The following NELL1 variants were observed in gnomAD, a reference collection of about 807,000 sequenced individuals.
NELL1 encodes protein kinase C-binding protein NELL1.
In NELL1, 76 loss-of-function variants were observed where a neutral mutation model predicts 107.4. That is an observed-to-expected ratio of 0.71 (90% confidence interval 0.59 to 0.86). The LOEUF is 0.86. NELL1 is among the 40% of genes least tolerant of loss of function. NELL1 has a pLI of 0.00. For synonymous variants in NELL1, 353 were observed against 341.2 expected, an observed-to-expected ratio of 1.03 and a Z score of -0.38; for missense variants, 1,024 against 1,005.5, an observed-to-expected ratio of 1.02 and a Z score of -0.25.
intron 15 of NELL1, among the ~76,000 whole-genome samples, chr11:21,477,834 A>G (rs546944790): frequency 1.3e-5 from 2 of 149,748 alleles, no homozygotes; most frequent in East Asian, 3.9e-4. Flanking sequence ...CAGATAAATT[A>G]TATAAATAAA....
intron 12 of NELL1, among the ~76,000 whole-genome samples, chr11:21,022,356 A>T: frequency 6.6e-6 from 1 of 152,066 alleles, no homozygotes; most frequent in East Asian, 1.9e-4. Context: ...TCTAATGGTA[A>T]ATTGTATAGG....
chr11:20,944,207 T>A (rs529220189), intron 10 of NELL1, among the ~76,000 whole-genome samples: 21 of 152,148 alleles, frequency 1.4e-4, no homozygotes, highest in South Asian at 4.1e-4. Flanking sequence ...GACAAAAGGA[T>A]GCCTGGAGAT....
intron 14 of NELL1, among the ~76,000 whole-genome samples, chr11:21,336,038 A>C (rs1370737242): frequency 6.6e-6 from 1 of 152,106 alleles, no homozygotes; most frequent in African/African-American, 2.4e-5. Context: ...TACACTATTC[A>C]ATACATATAA....
At chr11:21,332,579 G>C (rs1432182760) in intron 14 of NELL1, among the ~76,000 whole-genome samples, 2 of 151,972 alleles carry the variant, frequency 1.3e-5, no homozygotes, top group East Asian at 3.8e-4. Flanking sequence ...AGAAGGTATA[G>C]TCTCATACAA....
At chr11:21,340,470 G>A (rs2133701858) in intron 14 of NELL1, among the ~76,000 whole-genome samples, 1 of 152,214 alleles carries the variant, frequency 6.6e-6, no homozygotes, top group Middle Eastern at 3.4e-3. Context: ...CTACTTTTAT[G>A]AGTTGAATTA....
At chr11:20,743,715 A>G (rs1237823928) in intron 2 of NELL1, among the ~76,000 whole-genome samples, 1 of 152,134 alleles carries the variant, frequency 6.6e-6, no homozygotes, top group Non-Finnish European at 1.5e-5. Context: ...GCTCTGTCTC[A>G]TCTTCTCCAC....
intron 11 of NELL1, among the ~76,000 whole-genome samples, chr11:20,954,269 T>C (rs757319941): frequency 1.6e-4 from 24 of 152,256 alleles, no homozygotes; most frequent in Non-Finnish European, 2.4e-4. Flanking sequence ...ATTGCTGTTA[T>C]TACATCTGTA....
At chr11:20,877,311 G>A (rs1172482617) in intron 4 of NELL1, among the ~76,000 whole-genome samples, 1 of 152,154 alleles carries the variant, frequency 6.6e-6, no homozygotes, top group Non-Finnish European at 1.5e-5. Context: ...TGTCTCATTT[G>A]GGCTTCATAT....
intron 12 of NELL1, among the ~76,000 whole-genome samples, chr11:21,093,897 T>C (rs529656374): frequency 3.6e-4 from 55 of 152,278 alleles, no homozygotes; most frequent in African/African-American, 1.1e-3. Flanking sequence ...AGCCAAATCA[T>C]ATCATTCCAC....
chr11:21,223,232 T>C (rs1857806340), intron 13 of NELL1, among the ~76,000 whole-genome samples: 1 of 152,126 alleles, frequency 6.6e-6, no homozygotes, highest in African/African-American at 2.4e-5. Flanking sequence ...GCTTTATGAA[T>C]TTGGGTCCTC....
chr11:21,375,279 C>T (rs562442663), intron 15 of NELL1, among the ~76,000 whole-genome samples: 1 of 152,164 alleles, frequency 6.6e-6, no homozygotes, highest in African/African-American at 2.4e-5. Flanking sequence ...TGCTTCGCTC[C>T]CACTTATTAG....
rs145679791 is a variant in NELL1 at position 20,744,882 on chromosome 11, C to T, written c.185-38798C>T. Reference sequence around the variant, plus strand: ...TTGTTCCTGCCTCAGAAGCTCTTTTCCTTACTGTTCCCTCTGCCTGGAATA... The same window carrying T: ...TTGTTCCTGCCTCAGAAGCTCTTTTTCTTACTGTTCCCTCTGCCTGGAATA... On this transcript the variant is annotated intron_variant, in intron 2 of 19. Transcript: ENST00000357134. Among the ~76,000 whole-genome samples, 441 of 152,266 alleles carry T rather than the reference C, an allele frequency of 2.9e-3. 2 individuals carry two copies. The highest frequency in any genetic ancestry group is 9.9e-3 in the African/African-American group (411 of 41,540).
At chr11:20,762,676 G>T (rs1303543681) in intron 2 of NELL1, among the ~76,000 whole-genome samples, 3 of 152,172 alleles carry the variant, frequency 2.0e-5, no homozygotes. Context: ...TAAGGAGAGG[G>T]CTACAGCCAT....
chr11:20,913,207 A>G (rs1291382415), intron 5 of NELL1, among the ~76,000 whole-genome samples: 1 of 152,056 alleles, frequency 6.6e-6, no homozygotes, highest in Non-Finnish European at 1.5e-5. Context: ...CTTCATCCAT[A>G]TATTTACATG....
chr11:21,492,459 C>T (rs371434385), intron 15 of NELL1, among the ~76,000 whole-genome samples: 14 of 151,686 alleles, frequency 9.2e-5, no homozygotes, highest in African/African-American at 1.9e-4. Context: ...ATGTTTATTG[C>T]GGCACTATTC....
intron 13 of NELL1, among the ~76,000 whole-genome samples, chr11:21,118,773 T>C (rs915808585): frequency 1.3e-5 from 2 of 152,062 alleles, no homozygotes; most frequent in Non-Finnish European, 2.9e-5. Flanking sequence ...TTTATAACCA[T>C]GTCAAGGTCA....
intron 4 of NELL1, among the ~76,000 whole-genome samples, chr11:20,862,930 T>TA (rs1458842055): frequency 6.6e-6 from 1 of 152,150 alleles, no homozygotes; most frequent in Non-Finnish European, 1.5e-5. Context: ...GGTAAGGTCA[T>TA]AGATCAACAG....
At chr11:21,119,754 G>T (rs983268848) in intron 13 of NELL1, among the ~76,000 whole-genome samples, 2 of 152,072 alleles carry the variant, frequency 1.3e-5, no homozygotes, top group Non-Finnish European at 2.9e-5. Flanking sequence ...GTTACAGGGA[G>T]GAGGGGTTTT....
chr11:20,863,007 T>C (rs1590358574), intron 4 of NELL1, among the ~76,000 whole-genome samples: 1 of 152,196 alleles, frequency 6.6e-6, no homozygotes, highest in Non-Finnish European at 1.5e-5. Context: ...TACTTCTTTC[T>C]ACACAGACAC....
Sources: gnomAD v4.1 joint callset for allele counts (sites outside exome capture counted in the v4.1 genomes callset) on GRCh38, gnomAD v4.1.1 for gene constraint, MANE v1.5 for transcripts, NCBI Gene and HGNC (gene_info 2026-07-23, HGNC 2026-07-21) for gene names.